The following KIAA1549L variants were observed in gnomAD, a reference collection of about 807,000 sequenced individuals.
The protein encoded by KIAA1549L is UPF0606 protein KIAA1549L.
In KIAA1549L, 88 loss-of-function variants were observed where a neutral mutation model predicts 160.7. The observed-to-expected ratio is 0.55, with a 90% CI of 0.46 to 0.65. The LOEUF (loss-of-function observed/expected upper bound fraction) is 0.65, where lower values mean the gene tolerates loss of function less well. Among genes scored for constraint, KIAA1549L ranks in the 30% least tolerant of loss-of-function variants. The probability of loss-of-function intolerance (pLI) is 0.00; values close to 1 mark genes in which losing one functional copy is unlikely to be tolerated. For missense variants in KIAA1549L, 2,258 were observed against 2,437.5 expected, an observed-to-expected ratio of 0.93 and a Z score of 1.55; for synonymous variants, 950 against 976.7, an observed-to-expected ratio of 0.97 and a Z score of 0.51.
At chr11:33,423,241 A>C (rs952175183) in intron 1 of KIAA1549L, among the ~76,000 whole-genome samples, 22 of 152,232 alleles carry the variant, frequency 1.4e-4, no homozygotes, top group Non-Finnish European at 3.2e-4. Context: ...TTAGGACATC[A>C]ATTTGAAAAA....
At chr11:33,465,467 G>C (rs1388848129) in intron 1 of KIAA1549L, among the ~76,000 whole-genome samples, 2 of 152,180 alleles carry the variant, frequency 1.3e-5, no homozygotes, top group African/African-American at 4.8e-5. Flanking sequence ...GCATGACCCA[G>C]TTGGAACACT....
chr11:33,397,757 A>AC (rs1565119487), intron 1 of KIAA1549L, among the ~76,000 whole-genome samples: 2 of 141,858 alleles, frequency 1.4e-5, no homozygotes, highest in East Asian at 4.1e-4. Flanking sequence ...CACACACACA[A>AC]AAGTGAAAAC....
rs1254132001 is a variant in KIAA1549L, at chr11:33,457,272, G to A, written c.238+80383G>A. Among the ~76,000 whole-genome samples, 10 of 152,306 alleles carry A rather than the reference G, an allele frequency of 6.6e-5. No homozygotes were observed. In the East Asian group the frequency reaches 1.5e-3, roughly 24 times the overall value. On this transcript the variant is annotated intron_variant, in intron 1 of 20. Coordinates refer to ENST00000658780, the MANE Select transcript of KIAA1549L (RefSeq NM_012194.3). ...TCCCCTCTCTTAAAGAGCTTGAAGT[G>A]TGTGGTGGGCTCAAGGTAGCAGAGC...
intron 1 of KIAA1549L, among the ~76,000 whole-genome samples, chr11:33,450,315 T>A (rs894245857): frequency 6.6e-6 from 1 of 152,096 alleles, no homozygotes; most frequent in African/African-American, 2.4e-5. Context: ...CCCAGCACTT[T>A]GGGAGGCTGT....
chr11:33,552,685 CACACACACACACACACACAT>C (rs1344118907), intron 6 of KIAA1549L, among the ~76,000 whole-genome samples: 13 of 148,798 alleles, frequency 8.7e-5, no homozygotes, highest in African/African-American at 3.1e-4. Context: ...CACACACACA[CACACACACACACACACACAT>C]GCGTTTTATA....
intron 3 of KIAA1549L, among the ~76,000 whole-genome samples, chr11:33,546,443 A>G (rs1412851235): frequency 6.6e-6 from 1 of 151,922 alleles, no homozygotes; most frequent in African/African-American, 2.4e-5. Flanking sequence ...CCACCAACCC[A>G]GCTACATCTA....
chr11:33,642,605 G>A lies in KIAA1549L; in HGVS notation c.5410-3081G>A, dbSNP rs866443248. 3.3e-5 allele frequency among the ~76,000 whole-genome samples: 5 copies of A among 151,300 alleles called. No individual in the cohort carries two copies. In the South Asian group the frequency reaches 8.4e-4, roughly 25 times the overall value. On this transcript the variant is annotated intron_variant, in intron 16 of 20. Transcript: ENST00000658780. ...GACGGGGTGAGTGGTTTGGGGGGGT[G>A]GAAATGGTTATGACAGAGCAGGTAA...
At chr11:33,497,399 A>G (rs1852845261) in intron 1 of KIAA1549L, among the ~76,000 whole-genome samples, 1 of 152,184 alleles carries the variant, frequency 6.6e-6, no homozygotes, top group Non-Finnish European at 1.5e-5. Flanking sequence ...AGAAAACTAA[A>G]AAGTCATTAT....
In KIAA1549L at chr11:33,452,986, T is replaced by C. The variant is rs539169560; in HGVS notation, c.238+76097T>C. 1.6e-4 allele frequency among the ~76,000 whole-genome samples: 24 copies of C among 152,326 alleles called. No individual in the cohort carries two copies. The South Asian group carries it at 1.7e-3, about 11-fold the overall frequency. On this transcript the variant is annotated intron_variant, in intron 1 of 20. Transcript: ENST00000658780. ...TTTGGTGACTCAGACATGGCCAGAA[T>C]TGACTCATGCTTATGCTTAAGAAGG... is the stretch of plus-strand genomic sequence containing the variant.
At chr11:33,560,142 A>G (rs1854804121) in intron 7 of KIAA1549L, among the ~76,000 whole-genome samples, 1 of 152,258 alleles carries the variant, frequency 6.6e-6, no homozygotes, top group African/African-American at 2.4e-5. Flanking sequence ...AGTGTACATC[A>G]AAGAAAGCAC....
chr11:33,475,460 G>A (rs575971885), intron 1 of KIAA1549L, among the ~76,000 whole-genome samples: 3 of 152,092 alleles, frequency 2.0e-5, no homozygotes, highest in South Asian at 4.2e-4. Flanking sequence ...GGAAATCTGA[G>A]GTGGGAGGAT....
chr11:33,518,724 A>C (rs1853414482), intron 1 of KIAA1549L, among the ~76,000 whole-genome samples: 1 of 152,230 alleles, frequency 6.6e-6, no homozygotes, highest in South Asian at 2.1e-4. Flanking sequence ...GTTGCCATTA[A>C]AGCTGTAAAA....
At chr11:33,545,859 A>G (rs1376315591) in intron 3 of KIAA1549L, among the ~76,000 whole-genome samples, 5 of 152,236 alleles carry the variant, frequency 3.3e-5, no homozygotes, top group African/African-American at 1.2e-4. Flanking sequence ...AAGATACAAC[A>G]TCTTGGGAAG....
intron 1 of KIAA1549L, among the ~76,000 whole-genome samples, chr11:33,435,796 A>ATATGTGTGTGTGTGTGTGTGTG (rs1565135857): frequency 1.2e-4 from 4 of 34,670 alleles, no homozygotes; most frequent in Admixed American, 3.1e-4. Context: ...ATATATATAT[A>ATATGTGTGTGTGTGTGTGTGTG]TATATATATA....
rs368179232 is a variant in KIAA1549L at position 33,612,295 on chromosome 11, C to T, written c.5279+2329C>T. Among the ~76,000 whole-genome samples, 34 of 152,348 alleles carry T rather than the reference C, an allele frequency of 2.2e-4. No homozygotes were observed. The East Asian group carries it at 5.0e-3, about 22-fold the overall frequency. ...ATCTGCTATCACAGGTTAGAGTTACCTGTTAATTACTGTTCACAGTATAAC... is the reference window on the plus strand; with the variant it reads ...ATCTGCTATCACAGGTTAGAGTTACTTGTTAATTACTGTTCACAGTATAAC... On this transcript the variant is annotated intron_variant, in intron 15 of 20. Transcript: ENST00000658780.
intron 10 of KIAA1549L, among the ~76,000 whole-genome samples, chr11:33,577,215 G>A (rs1248619064): frequency 6.6e-6 from 1 of 152,184 alleles, no homozygotes; most frequent in Non-Finnish European, 1.5e-5. Context: ...ATTGGAGGTT[G>A]TGACCTTAGC....
Position 33,575,804 on chromosome 11 carries a change from G to A in KIAA1549L, c.4402+931G>A, listed in dbSNP as rs1310060437. On this transcript the variant is annotated intron_variant, in intron 10 of 20. Transcript: ENST00000658780. The stretch of plus-strand genomic sequence containing the variant: ...ATTGCCTGGGGTGCTGACACCCATG[G>A]AAGAGTTAAGGGAATTGGAAAGGTG... Among the ~76,000 whole-genome samples the A allele has an allele frequency of 2.0e-5, 3 of 152,206 alleles. No homozygotes were observed. The South Asian group carries it at 6.2e-4, about 32-fold the overall frequency.
chr11:33,656,128 T>C lies in KIAA1549L; in HGVS notation c.5858+19T>C. 1 of 1,589,348 alleles carries C rather than the reference T, an allele frequency of 6.3e-7. No homozygotes were observed. Among genetic ancestry groups the C allele is most frequent in the Non-Finnish European group, 8.6e-7 (1 of 1,159,154 alleles). On this transcript the variant is annotated intron_variant, in intron 18 of 20. Transcript: ENST00000658780. ...TCAGGCGGTAACACGTTCCTTTCTT[T>C]GTTTTGTTTGGAATATTTGGAAAAG...
chr11:33,658,878 A>T lies in KIAA1549L; in HGVS notation c.5987A>T (p.Gln1996Leu), dbSNP rs1339010562. Residue 1996 changes from glutamine (Q) to leucine (L), a missense_variant, in exon 19 of 21, where the codon CAG (glutamine) becomes CTG (leucine). By Grantham distance (113) the Gln-to-Leu change is moderately radical. This residue lies in a region of KIAA1549L where 1,359 missense variants were observed against 1,546.6 expected (regional missense o/e 0.88). Coordinates refer to ENST00000658780, the MANE Select transcript of KIAA1549L (RefSeq NM_012194.3). ...CCTGTGTCCGTGACGCAGTTGGATCAGTCGGCTTTAAATTACTCAGGTGGG... is the reference window on the plus strand; with the variant it reads ...CCTGTGTCCGTGACGCAGTTGGATCTGTCGGCTTTAAATTACTCAGGTGGG... ...RGPVSVTQLD[Q>L]SALNYSGNTV... 1 of 1,557,954 alleles carries T rather than the reference A, an allele frequency of 6.4e-7. No individual in the cohort carries two copies. Among genetic ancestry groups the T allele is most frequent in the East Asian group, 2.4e-5 (1 of 41,258 alleles).
Sources: gnomAD v4.1 joint callset for allele counts (sites outside exome capture counted in the v4.1 genomes callset) on GRCh38, gnomAD v4.1.1 for gene constraint, gnomAD v4.1.1 regional missense constraint, MANE v1.5 for transcripts, NCBI Gene and HGNC (gene_info 2026-07-23, HGNC 2026-07-21) for gene names.